TMEM132D: variants seen among roughly 807,000 people sequenced by gnomAD.
TMEM132D encodes the protein mature OL transmembrane protein.
A neutral mutation model predicts 62.3 loss-of-function variants in TMEM132D; 21 were observed. The observed-to-expected ratio is 0.34, with a 90% CI of 0.24 to 0.49. The LOEUF is 0.49. Among genes scored for constraint, TMEM132D ranks in the 20% least tolerant of loss-of-function variants. The pLI is 0.99. For missense variants in TMEM132D, 1,346 were observed against 1,402.8 expected, an observed-to-expected ratio of 0.96 and a Z score of 0.65; for synonymous variants, 621 against 575.6, an observed-to-expected ratio of 1.08 and a Z score of -1.13.
intron 4 of TMEM132D, among the ~76,000 whole-genome samples, chr12:129,285,172 C>T (rs894266217): frequency 2.0e-5 from 3 of 152,112 alleles, no homozygotes; most frequent in Non-Finnish European, 4.4e-5. Context: ...ACAGGTAGTG[C>T]TGCAATCCAA....
intron 5 of TMEM132D, among the ~76,000 whole-genome samples, chr12:129,140,046 C>A (rs75150070): frequency 0.013 from 1,994 of 151,996 alleles, 34 homozygotes; most frequent in Admixed American, 0.018. Flanking sequence ...CATCCTTGAA[C>A]TTTTCCTTCT....
chr12:129,680,817 G>A (rs1455989912), intron 2 of TMEM132D, among the ~76,000 whole-genome samples: 1 of 152,186 alleles, frequency 6.6e-6, no homozygotes, highest in Admixed American at 6.5e-5. Context: ...AAGCAAAGAG[G>A]TTGTGTTAAA....
At chr12:129,477,873 G>C (rs111360512) in intron 3 of TMEM132D, among the ~76,000 whole-genome samples, 3 of 150,766 alleles carry the variant, frequency 2.0e-5, no homozygotes, top group South Asian at 2.1e-4. Flanking sequence ...TACAGAGAGA[G>C]AGAGAGAGAC....
intron 4 of TMEM132D, among the ~76,000 whole-genome samples, chr12:129,302,076 A>G (rs1017367516): frequency 2.0e-5 from 3 of 152,232 alleles, no homozygotes; most frequent in Non-Finnish European, 4.4e-5. Flanking sequence ...AGAAGCAAGA[A>G]CAAGGTCTAT....
At chr12:129,383,202 A>T (rs1871003849) in intron 3 of TMEM132D, among the ~76,000 whole-genome samples, 1 of 152,164 alleles carries the variant, frequency 6.6e-6, no homozygotes, top group Admixed American at 6.5e-5. Flanking sequence ...CATGCAACCT[A>T]CGTTCCAAAT....
chr12:129,349,630 C>T (rs1292778311), intron 3 of TMEM132D, among the ~76,000 whole-genome samples: 1 of 152,168 alleles, frequency 6.6e-6, no homozygotes, highest in Non-Finnish European at 1.5e-5. Context: ...ACCTCCTGCT[C>T]TAGTAAGGCC....
chr12:129,397,688 T>C (rs1871471325), intron 3 of TMEM132D, among the ~76,000 whole-genome samples: 1 of 152,232 alleles, frequency 6.6e-6, no homozygotes, highest in Non-Finnish European at 1.5e-5. Flanking sequence ...GTTGATTGAA[T>C]GATTTTCACA....
At chr12:129,526,733 C>T (rs1010234073) in intron 3 of TMEM132D, among the ~76,000 whole-genome samples, 11 of 152,204 alleles carry the variant, frequency 7.2e-5, no homozygotes, top group African/African-American at 2.7e-4. Context: ...TTGAAAAGAG[C>T]TTCCAGGAAG....
rs745386920 is a variant in TMEM132D, at chr12:129,074,068, G to T, written c.3107C>A (p.Thr1036Lys). 3.1e-6 allele frequency: 5 copies of T among 1,614,112 alleles called. No homozygotes were observed. The highest frequency in any genetic ancestry group is 4.2e-6 in the Non-Finnish European group (5 of 1,180,012). Residue 1036 changes from threonine (T) to lysine (K), a missense_variant, in exon 9 of 9, where the codon ACA becomes AAA. Coordinates refer to ENST00000422113, the MANE Select transcript of TMEM132D (RefSeq NM_133448.3). ...DGKDQKSEPPTSPTSKRKRVK... is the reference protein window; with the variant it reads ...DGKDQKSEPPKSPTSKRKRVK... ...CCTTTTCCTTTTTGAGGTAGGGGAT[G>T]TTGGGGGCTCACTTTTCTGATCTTT... is the stretch of plus-strand genomic sequence containing the variant.
intron 3 of TMEM132D, among the ~76,000 whole-genome samples, chr12:129,356,874 AAAAG>A (rs1870073540): frequency 6.8e-6 from 1 of 146,384 alleles, no homozygotes; most frequent in African/African-American, 2.5e-5. Context: ...GGAAGGAAAG[AAAAG>A]AAAGAAACAA....
intron 1 of TMEM132D, among the ~76,000 whole-genome samples, chr12:129,888,941 A>G (rs995008651): frequency 1.3e-5 from 2 of 152,380 alleles, no homozygotes; most frequent in African/African-American, 2.4e-5. Flanking sequence ...CCTTCTGGCC[A>G]CAGTGACTTG....
At chr12:129,148,509 C>T (rs1022245347) in intron 5 of TMEM132D, among the ~76,000 whole-genome samples, 1 of 152,002 alleles carries the variant, frequency 6.6e-6, no homozygotes, top group African/African-American at 2.4e-5. Flanking sequence ...AAGTGAAGAG[C>T]CTCTGGAAGC....
intron 5 of TMEM132D, chr12:129,086,093 A>G (rs780565290): frequency 4.6e-5 from 7 of 152,252 alleles, no homozygotes; most frequent in Non-Finnish European, 7.3e-5. Flanking sequence ...GTACAACTGC[A>G]TCACTCTAGG....
chr12:129,320,218 G>A (rs1949494630), intron 4 of TMEM132D, among the ~76,000 whole-genome samples: 1 of 152,192 alleles, frequency 6.6e-6, no homozygotes, highest in Admixed American at 6.5e-5. Context: ...ACCATTTTCA[G>A]TTCTGGGACT....
At chr12:129,693,640 C>G (rs1268359182) in intron 2 of TMEM132D, among the ~76,000 whole-genome samples, 1 of 152,130 alleles carries the variant, frequency 6.6e-6, no homozygotes, top group African/African-American at 2.4e-5. Flanking sequence ...TGGGACCTTA[C>G]GATCAATAGA....
At chr12:129,787,662 G>A (rs773500741) in intron 1 of TMEM132D, among the ~76,000 whole-genome samples, 15 of 152,178 alleles carry the variant, frequency 9.9e-5, no homozygotes, top group Non-Finnish European at 1.8e-4. Flanking sequence ...AACCGGGAGA[G>A]AATCCCTGAG....
chr12:129,630,934 C>T (rs1879331898), intron 2 of TMEM132D, among the ~76,000 whole-genome samples: 1 of 152,072 alleles, frequency 6.6e-6, no homozygotes, highest in Non-Finnish European at 1.5e-5. Context: ...TTAGCTCCCA[C>T]TTGTAAGTGA....
At chr12:129,482,897 C>G (rs1874471184) in intron 3 of TMEM132D, among the ~76,000 whole-genome samples, 1 of 150,766 alleles carries the variant, frequency 6.6e-6, no homozygotes, top group African/African-American at 2.4e-5. Flanking sequence ...TAGCGTGCTC[C>G]TTTGAAAAGA....
intron 2 of TMEM132D, among the ~76,000 whole-genome samples, chr12:129,600,435 G>A (rs1878455252): frequency 6.6e-6 from 1 of 152,158 alleles, no homozygotes. Context: ...TCCTGTTCAT[G>A]TTGACATTTG....
Sources: gnomAD v4.1 joint callset for allele counts (sites outside exome capture counted in the v4.1 genomes callset) on GRCh38, gnomAD v4.1.1 for gene constraint, MANE v1.5 for transcripts, NCBI Gene and HGNC (gene_info 2026-07-23, HGNC 2026-07-21) for gene names.